SLC25A12: variants seen among roughly 807,000 people sequenced by gnomAD.
SLC25A12 encodes the protein solute carrier family 25 member 12.
In SLC25A12, 32 loss-of-function variants were observed where a neutral mutation model predicts 83.3. The ratio of observed to expected loss-of-function variants is 0.38; its 90% CI spans 0.29 to 0.52. The LOEUF is 0.52. Ranked by LOEUF, SLC25A12 falls within the 20% of genes least tolerant of loss-of-function variation. SLC25A12 has a pLI of 0.84. For synonymous variants in SLC25A12, 267 were observed against 291.1 expected, an observed-to-expected ratio of 0.92 and a Z score of 0.84; for missense variants, 611 against 835.6, an observed-to-expected ratio of 0.73 and a Z score of 3.31.
chr2:171,861,434 G>A (rs988462545), intron 3 of SLC25A12, among the ~76,000 whole-genome samples: 1 of 152,064 alleles, frequency 6.6e-6, no homozygotes, highest in Non-Finnish European at 1.5e-5. Context: ...AAGAAACAAG[G>A]TCTCAATCTG....
chr2:171,865,515 G>A (rs923749891), intron 3 of SLC25A12, among the ~76,000 whole-genome samples: 2 of 151,906 alleles, frequency 1.3e-5, no homozygotes, highest in African/African-American at 4.8e-5. Flanking sequence ...ACAAAAATCA[G>A]CCAGGTGTGG....
At chr2:171,852,631 T>C (rs1159058564) in intron 4 of SLC25A12, 1 of 454,122 alleles carries the variant, frequency 2.2e-6, no homozygotes, top group Non-Finnish European at 4.4e-6. Context: ...ATAAGCACAA[T>C]TCATTTTATT....
At chr2:171,799,075 A>G (rs1354705991) in intron 13 of SLC25A12, among the ~76,000 whole-genome samples, 1 of 151,868 alleles carries the variant, frequency 6.6e-6, no homozygotes, top group African/African-American at 2.4e-5. Flanking sequence ...GGTACATGCA[A>G]GCACACAGCA....
At chr2:171,881,804 C>A (rs1033664874) in intron 2 of SLC25A12, among the ~76,000 whole-genome samples, 1 of 151,968 alleles carries the variant, frequency 6.6e-6, no homozygotes, top group Non-Finnish European at 1.5e-5. Flanking sequence ...CTGTGTTGAA[C>A]AGATCTGCTG....
intron 4 of SLC25A12, among the ~76,000 whole-genome samples, chr2:171,853,839 T>C (rs1360903952): frequency 6.6e-6 from 1 of 152,222 alleles, no homozygotes; most frequent in Non-Finnish European, 1.5e-5. Flanking sequence ...GTCTGTTGGA[T>C]GAAGTGGCTT....
chr2:171,859,830 C>T (rs988184695), intron 3 of SLC25A12, among the ~76,000 whole-genome samples: 2 of 151,930 alleles, frequency 1.3e-5, no homozygotes, highest in African/African-American at 2.4e-5. Context: ...GGCATGATCT[C>T]GGCCCACTGC....
At chr2:171,836,182 A>G (rs1684552391) in intron 6 of SLC25A12, among the ~76,000 whole-genome samples, 1 of 138,572 alleles carries the variant, frequency 7.2e-6, no homozygotes, top group Admixed American at 7.2e-5. Flanking sequence ...AGGAGGTGAA[A>G]CGTGTAGGAG....
intron 3 of SLC25A12, among the ~76,000 whole-genome samples, chr2:171,867,102 T>A (rs1245912856): frequency 6.7e-6 from 1 of 149,992 alleles, no homozygotes; most frequent in Middle Eastern, 3.2e-3. Flanking sequence ...GCTCCTCACT[T>A]CCTAGATGGG....
chr2:171,799,152 TG>T (rs1683659274), intron 13 of SLC25A12, among the ~76,000 whole-genome samples: 1 of 152,216 alleles, frequency 6.6e-6, no homozygotes, highest in African/African-American at 2.4e-5. Context: ...GCTGGTACCT[TG>T]ATCTTGAACT....
intron 4 of SLC25A12, among the ~76,000 whole-genome samples, chr2:171,850,986 A>G (rs1684915585): frequency 6.6e-6 from 1 of 152,202 alleles, no homozygotes; most frequent in South Asian, 2.1e-4. Context: ...ACATAGTACT[A>G]CATTTAAAGG....
chr2:171,888,137 C>T (rs1296196772), intron 2 of SLC25A12, among the ~76,000 whole-genome samples: 1 of 149,598 alleles, frequency 6.7e-6, no homozygotes, highest in Non-Finnish European at 1.5e-5. Context: ...TTCTGTCACC[C>T]ATGCTGGAGT....
intron 11 of SLC25A12, among the ~76,000 whole-genome samples, 184 bp downstream of exon 11, chr2:171,813,155 G>A (rs1683982071): frequency 6.6e-6 from 1 of 152,038 alleles, no homozygotes; most frequent in Non-Finnish European, 1.5e-5. Flanking sequence ...CTTATTTGCA[G>A]ATTAATATTG....
At chr2:171,828,935 C>T (rs1387692034) in intron 8 of SLC25A12, among the ~76,000 whole-genome samples, 1 of 152,192 alleles carries the variant, frequency 6.6e-6, no homozygotes, top group Admixed American at 6.5e-5. Context: ...TAAGATGGGG[C>T]CCTAAAGGGG....
chr2:171,845,592 TTTAAA>T (rs1392061387), intron 4 of SLC25A12: 1 of 163,050 alleles, frequency 6.1e-6, no homozygotes, highest in Non-Finnish European at 1.4e-5. Context: ...CTGCAAATTC[TTTAAA>T]TAAGATACTG....
chr2:171,850,432 A>G (rs1282587854), intron 4 of SLC25A12, among the ~76,000 whole-genome samples: 1 of 108,050 alleles, frequency 9.3e-6, no homozygotes, highest in African/African-American at 3.7e-5. Context: ...TGCAACCTCC[A>G]CCTCCTGGGT....
chr2:171,801,611 T>C (rs1417910142), intron 13 of SLC25A12, among the ~76,000 whole-genome samples: 2 of 152,196 alleles, frequency 1.3e-5, no homozygotes, highest in African/African-American at 4.8e-5. Flanking sequence ...AAAAGCAATA[T>C]GCATTCAGTA....
chr2:171,790,657 T>TA (rs1413110456), intron 15 of SLC25A12, among the ~76,000 whole-genome samples: 2 of 152,226 alleles, frequency 1.3e-5, no homozygotes, highest in Non-Finnish European at 2.9e-5. Flanking sequence ...CTCAAGAAGC[T>TA]ATTAGCCTAG....
At chr2:171,888,424 A>C (rs1685867505) in intron 2 of SLC25A12, among the ~76,000 whole-genome samples, 1 of 150,858 alleles carries the variant, frequency 6.6e-6, no homozygotes, top group African/African-American at 2.4e-5. Flanking sequence ...TCAAATAAAA[A>C]TATATATATA....
intron 9 of SLC25A12, among the ~76,000 whole-genome samples, chr2:171,818,548 GATCACT>G (rs747203228): frequency 2.0e-5 from 3 of 151,698 alleles, no homozygotes; most frequent in Non-Finnish European, 4.4e-5. Context: ...AGGCAGGCAA[GATCACT>G]TGAGCCCAAG....
Sources: allele counts gnomAD v4.1 joint callset (sites outside exome capture counted in the v4.1 genomes callset), GRCh38; gene constraint gnomAD v4.1.1; transcripts MANE v1.5; gene names NCBI Gene and HGNC (gene_info 2026-07-23, HGNC 2026-07-21).